The following LRRC4C variants were observed in gnomAD, a reference collection of about 807,000 sequenced individuals.
LRRC4C encodes leucine rich repeat containing 4C.
Under a neutral mutation model 33.6 loss-of-function variants are expected in LRRC4C, and 5 were observed. The ratio of observed to expected loss-of-function variants is 0.15; its 90% confidence interval spans 0.08 to 0.31. The LOEUF is 0.31. Ranked by LOEUF, LRRC4C falls within the 10% of genes least tolerant of loss-of-function variation. LRRC4C has a pLI of 1.00. For missense variants in LRRC4C, 560 were observed against 796.7 expected, an observed-to-expected ratio of 0.70 and a Z score of 3.58; for synonymous variants, 329 against 302.0, an observed-to-expected ratio of 1.09 and a Z score of -0.93.
At chr11:40,588,830 T>C (rs1022325848) in intron 3 of LRRC4C, among the ~76,000 whole-genome samples, 3 of 152,224 alleles carry the variant, frequency 2.0e-5, no homozygotes, top group African/African-American at 7.2e-5. Flanking sequence ...GATTGCACTG[T>C]GGTCTGAGAG....
chr11:41,081,369 C>T (rs930560933), intron 1 of LRRC4C, among the ~76,000 whole-genome samples: 2 of 152,118 alleles, frequency 1.3e-5, no homozygotes, highest in Non-Finnish European at 2.9e-5. Context: ...GACAAGAAGG[C>T]ACTGAATAAA....
chr11:40,584,697 C>CGA (rs1565529150), intron 3 of LRRC4C, among the ~76,000 whole-genome samples: 1 of 151,790 alleles, frequency 6.6e-6, no homozygotes, highest in African/African-American at 2.4e-5. Context: ...TTTTGGAGGC[C>CGA]GAGGCGGGTG....
At chr11:41,314,411 A>G (rs1448525205) in intron 1 of LRRC4C, among the ~76,000 whole-genome samples, 1 of 152,234 alleles carries the variant, frequency 6.6e-6, no homozygotes, top group Non-Finnish European at 1.5e-5. Flanking sequence ...GATAAGCACA[A>G]TTCAAGATTG....
intron 2 of LRRC4C, among the ~76,000 whole-genome samples, chr11:40,821,579 G>T (rs2135468399): frequency 6.6e-6 from 1 of 151,508 alleles, no homozygotes; most frequent in South Asian, 2.1e-4. Flanking sequence ...ATAATACAGA[G>T]AGTTCTTATA....
intron 5 of LRRC4C, among the ~76,000 whole-genome samples, chr11:40,207,485 C>A (rs191056685): frequency 6.6e-6 from 1 of 152,182 alleles, no homozygotes; most frequent in Non-Finnish European, 1.5e-5. Flanking sequence ...ACCTGTAGTC[C>A]TAGTTACTCC....
At chr11:40,474,545 A>T (rs1953112784) in intron 3 of LRRC4C, among the ~76,000 whole-genome samples, 1 of 152,194 alleles carries the variant, frequency 6.6e-6, no homozygotes, top group South Asian at 2.1e-4. Flanking sequence ...TGACTAAAAC[A>T]TCAAAAGCTA....
At chr11:40,829,404 C>G (rs762538427) in intron 2 of LRRC4C, among the ~76,000 whole-genome samples, 45 of 151,924 alleles carry the variant, frequency 3.0e-4, no homozygotes, top group Non-Finnish European at 5.4e-4. Flanking sequence ...TTCTGGATTG[C>G]TTTTGCAGAG....
At chr11:41,185,206 G>A (rs552736443) in intron 1 of LRRC4C, among the ~76,000 whole-genome samples, 16 of 152,162 alleles carry the variant, frequency 1.1e-4, no homozygotes, top group South Asian at 1.0e-3. Context: ...ATAGTAGGTA[G>A]TATCAAAGAT....
chr11:40,497,401 T>C (rs993859035), intron 3 of LRRC4C, among the ~76,000 whole-genome samples: 2 of 149,942 alleles, frequency 1.3e-5, no homozygotes, highest in African/African-American at 4.9e-5. Context: ...TAAAATTCCA[T>C]TAAAAAAAAA....
At chr11:40,935,631 T>C (rs1430648614) in intron 1 of LRRC4C, among the ~76,000 whole-genome samples, 3 of 152,070 alleles carry the variant, frequency 2.0e-5, no homozygotes, top group Admixed American at 6.6e-5. Flanking sequence ...AGGTGTATAG[T>C]AGGGCATACA....
chr11:41,410,365 A>G (rs1180416481), intron 1 of LRRC4C, among the ~76,000 whole-genome samples: 1 of 106,252 alleles, frequency 9.4e-6, no homozygotes, highest in Non-Finnish European at 1.9e-5. Context: ...AATCCCTTTC[A>G]AAAGATTCCA....
At chr11:40,407,387 T>G (rs578198407) in intron 3 of LRRC4C, among the ~76,000 whole-genome samples, 5 of 152,076 alleles carry the variant, frequency 3.3e-5, no homozygotes, top group Non-Finnish European at 7.4e-5. Context: ...CCAGGTTGAT[T>G]TGATTGATTT....
chr11:41,389,022 A>C (rs1028613531), intron 1 of LRRC4C, among the ~76,000 whole-genome samples: 1 of 151,914 alleles, frequency 6.6e-6, no homozygotes, highest in Non-Finnish European at 1.5e-5. Flanking sequence ...CAGTCTGGCT[A>C]GGAAGGGATA....
intron 1 of LRRC4C, among the ~76,000 whole-genome samples, chr11:41,227,096 T>C (rs1947575842): frequency 6.6e-6 from 1 of 152,016 alleles, no homozygotes; most frequent in African/African-American, 2.4e-5. Context: ...CACCAGCATG[T>C]GAAACAAAAG....
intron 3 of LRRC4C, among the ~76,000 whole-genome samples, chr11:40,382,123 A>ATTTT (rs77934711): frequency 5.4e-4 from 54 of 99,974 alleles, no homozygotes; most frequent in South Asian, 9.8e-4. Flanking sequence ...TGCCCGGCTA[A>ATTTT]TTTTTTTTTT....
chr11:41,455,360 T>C (rs1956144117), intron 1 of LRRC4C, among the ~76,000 whole-genome samples: 1 of 151,996 alleles, frequency 6.6e-6, no homozygotes, highest in South Asian at 2.1e-4. Context: ...AGAAAATGAG[T>C]TCAGGTCATT....
intron 2 of LRRC4C, among the ~76,000 whole-genome samples, chr11:40,881,666 T>C (rs1169330410): frequency 6.6e-6 from 1 of 151,954 alleles, no homozygotes; most frequent in African/African-American, 2.4e-5. Flanking sequence ...TTTCTTTTTT[T>C]TTTTTACTGG....
chr11:41,069,931 T>C (rs1938551308), intron 1 of LRRC4C, among the ~76,000 whole-genome samples: 1 of 152,164 alleles, frequency 6.6e-6, no homozygotes, highest in African/African-American at 2.4e-5. Context: ...AAATTTCATA[T>C]GGAACCAGAA....
Position 40,631,682 on chromosome 11 carries a change from G to C in LRRC4C, c.-270+16460C>G, listed in dbSNP as rs144594291. Among the ~76,000 whole-genome samples the C allele has an allele frequency of 6.1e-3, 927 of 152,092 alleles. 15 individuals carry two copies. Among genetic ancestry groups the C allele is most frequent in the African/African-American group, 0.022 (901 of 41,486 alleles). On this transcript the variant is annotated intron_variant, in intron 3 of 6. Transcript: ENST00000528697. ...GCTATACTAACATAGCATTGGCAAA[G>C]TAGAATTAAAAAAAAATGTTGCTTG...
Sources: allele counts gnomAD v4.1 joint callset (sites outside exome capture counted in the v4.1 genomes callset), GRCh38; gene constraint gnomAD v4.1.1; transcripts MANE v1.5; gene names NCBI Gene and HGNC (gene_info 2026-07-23, HGNC 2026-07-21).